The following SMARCA2 variants were observed in gnomAD, a reference collection of about 807,000 sequenced individuals.
SMARCA2 encodes the protein SWI/SNF-related matrix-associated actin-dependent regulator of chromatin subfamily A member 2.
In SMARCA2, 61 loss-of-function variants were observed where a neutral mutation model predicts 199.8. That is an observed-to-expected ratio of 0.31 (90% confidence interval 0.25 to 0.38). The LOEUF is 0.38. SMARCA2 is among the 10% of genes least tolerant of loss of function. The pLI is 1.00. For synonymous variants in SMARCA2, 935 were observed against 732.0 expected (o/e 1.28, Z -4.48); for missense variants, 1,344 against 2,012.2 (o/e 0.67, Z 6.35).
Position 2,170,328 on chromosome 9 carries a change from T to G in SMARCA2, c.4200-91T>G. ...GGCAGGTTGGTGAGGAGACTGAGGCTTGGCCAGGTCACCCAGCCTAGGAAG... is the reference window on the plus strand; with the variant it reads ...GGCAGGTTGGTGAGGAGACTGAGGCGTGGCCAGGTCACCCAGCCTAGGAAG... On this transcript the variant is annotated intron_variant, in intron 28 of 33. Transcript: ENST00000349721. This position sits in a 1 kb window ranked among gnomAD's most constrained non-coding sequence, Gnocchi z 4.7. The G allele has an allele frequency of 2.6e-6, 4 of 1,562,888 alleles. No homozygotes were observed. The highest frequency in any genetic ancestry group is 2.6e-6 in the Non-Finnish European group (3 of 1,145,358).
At position 2,060,985 on chromosome 9, in the gene SMARCA2, A is replaced by T. The variant is rs746339615; in HGVS notation, c.1691A>T (p.Lys564Met). Reference sequence around the variant, plus strand: ...AAGAAGAAGAGGAGGAGGAGGAAGAAGGTGCGTATCCTAGTGGTGGTGGCT... The same window carrying T: ...AAGAAGAAGAGGAGGAGGAGGAAGATGGTGCGTATCCTAGTGGTGGTGGCT... ...KEKKKRRRRK[K>M]KAEENAEGGE... Residue 564 changes from lysine to methionine, a missense_variant and splice_region_variant, in exon 9 of 34, where the codon AAG becomes ATG. By Grantham distance (95) the Lys-to-Met change is moderately conservative. Coordinates refer to ENST00000349721, the MANE Select transcript of SMARCA2 (RefSeq NM_003070.5). 6.2e-7 allele frequency: 1 copy of T among 1,613,334 alleles called. No individual in the cohort carries two copies. The highest frequency in any genetic ancestry group is 2.2e-5 in the East Asian group (1 of 44,866).
In SMARCA2 at chr9:2,101,632, T is replaced by G. The variant is rs754164098; in HGVS notation, c.3125+16T>G. The G allele has an allele frequency of 6.9e-7, 1 of 1,451,504 alleles. No individual in the cohort carries two copies. The highest frequency in any genetic ancestry group is 1.4e-5 in the African/African-American group (1 of 70,708). The allele number at this position is 1,451,504 out of a possible 1,614,324, so 89.9% of individuals were successfully genotyped here. ...TCATCAATGGGTAAATCTCAAATTT[T>G]TTTTTCTTTTAAAAAAAAATGTTGT... is the stretch of plus-strand genomic sequence containing the variant. On this transcript the variant is annotated intron_variant, in intron 22 of 33. Transcript: ENST00000349721.
rs544005011 is a variant in SMARCA2 at position 2,038,425 on chromosome 9, T to C, written c.356-1041T>C. 8.9e-4 allele frequency among the ~76,000 whole-genome samples: 136 copies of C among 152,314 alleles called. 1 individual carries two copies. Among genetic ancestry groups the C allele is most frequent in the Admixed American group, 4.8e-3 (73 of 15,308 alleles). Reference sequence around the variant, plus strand: ...CCCAGAACCACTGTCTTGGTTCACTTCCGTCTACTGACACCTACCTTTCCC... The same window carrying C: ...CCCAGAACCACTGTCTTGGTTCACTCCCGTCTACTGACACCTACCTTTCCC... On this transcript the variant is annotated intron_variant, in intron 3 of 33. Coordinates refer to ENST00000349721, the MANE Select transcript of SMARCA2 (RefSeq NM_003070.5).
chr9:2,160,276 G>C (rs1197067197), intron 27 of SMARCA2: 1 of 398,682 alleles, frequency 2.5e-6, no homozygotes, highest in African/African-American at 2.0e-5. Context: ...CTTCATAGTG[G>C]TTATCTGAAC....
chr9:2,153,776 G>A (rs543879427), intron 27 of SMARCA2, among the ~76,000 whole-genome samples: 7 of 152,084 alleles, frequency 4.6e-5, no homozygotes, highest in Middle Eastern at 3.2e-3. Flanking sequence ...GAACTTGCAT[G>A]GTTACTTTTA....
At chr9:2,087,542 CT>C (rs375529548) in intron 18 of SMARCA2, among the ~76,000 whole-genome samples, 11 of 148,960 alleles carry the variant, frequency 7.4e-5, no homozygotes, top group African/African-American at 2.0e-4. Flanking sequence ...TTCTGCAGAC[CT>C]TTTTTTTTTC....
At chr9:2,175,837 G>T (rs79694283) in intron 29 of SMARCA2, among the ~76,000 whole-genome samples, 1,890 of 151,978 alleles carry the variant, frequency 0.012, 37 homozygotes, top group African/African-American at 0.043. Flanking sequence ...AAGTTGTACT[G>T]CACTACAATT....
intron 27 of SMARCA2, chr9:2,160,262 C>T: frequency 5.0e-6 from 2 of 396,394 alleles, no homozygotes; most frequent in Middle Eastern, 6.5e-4. Flanking sequence ...TCAGATCTCG[C>T]CTCCTTCATA....
intron 32 of SMARCA2, among the ~76,000 whole-genome samples, chr9:2,190,965 T>G (rs1409262588): frequency 6.6e-6 from 1 of 152,212 alleles, no homozygotes; most frequent in East Asian, 1.9e-4. Flanking sequence ...TTCCCCTCAT[T>G]ATCCTTGGTC....
intron 28 of SMARCA2, among the ~76,000 whole-genome samples, chr9:2,164,339 CT>C (rs1313961435): frequency 1.6e-5 from 2 of 124,910 alleles, no homozygotes; most frequent in Admixed American, 8.3e-5. Context: ...AGTACAGACT[CT>C]TGTCTGTCTT....
intron 27 of SMARCA2, among the ~76,000 whole-genome samples, chr9:2,136,735 T>G (rs1824213100): frequency 6.6e-6 from 1 of 152,176 alleles, no homozygotes; most frequent in Non-Finnish European, 1.5e-5. Flanking sequence ...TTAGCCACCT[T>G]GAAGAGCTTG....
intron 15 of SMARCA2, 102 bp from the exon 16 acceptor site, chr9:2,083,245 C>A: frequency 1.5e-6 from 1 of 674,110 alleles, no homozygotes. Context: ...TATTCTGTAG[C>A]CCCTTTCAAG....
intron 27 of SMARCA2, chr9:2,159,065 T>A (rs1586768870): frequency 6.6e-7 from 1 of 1,512,732 alleles, no homozygotes; most frequent in African/African-American, 1.4e-5. Flanking sequence ...AAAAATTGTT[T>A]CAGTTGTTCT....
intron 32 of SMARCA2, among the ~76,000 whole-genome samples, 160 bp from the exon 33 acceptor site, chr9:2,191,106 C>T (rs1563848114): frequency 6.6e-6 from 1 of 152,122 alleles, no homozygotes; most frequent in African/African-American, 2.4e-5. Context: ...TGAAAGGGGT[C>T]GCTGACTAGA....
intron 27 of SMARCA2, among the ~76,000 whole-genome samples, chr9:2,152,073 T>G (rs1158400774): frequency 6.6e-6 from 1 of 152,182 alleles, no homozygotes; most frequent in Admixed American, 6.5e-5. Context: ...AAAGACTGGT[T>G]TCATTGTCTC....
intron 21 of SMARCA2, among the ~76,000 whole-genome samples, chr9:2,101,242 G>A (rs554559846): frequency 1.3e-4 from 20 of 152,072 alleles, no homozygotes; most frequent in East Asian, 1.9e-4. Flanking sequence ...CTTGAGTTCA[G>A]ATCCACCCTA....
At chr9:2,159,963 G>A (rs2130749154) in intron 27 of SMARCA2, 1 of 1,568,782 alleles carries the variant, frequency 6.4e-7, no homozygotes, top group Admixed American at 1.9e-5. Context: ...TACATCCCAG[G>A]CATGTGTAGG....
At chr9:2,070,975 C>A (rs1453577054) in intron 10 of SMARCA2, among the ~76,000 whole-genome samples, 6 of 152,168 alleles carry the variant, frequency 3.9e-5, no homozygotes. Context: ...AAATTCATTT[C>A]CTAGTAGTTC....
At chr9:2,028,754 T>A (rs116072130) in intron 1 of SMARCA2, among the ~76,000 whole-genome samples, 18 of 152,340 alleles carry the variant, frequency 1.2e-4, no homozygotes, top group African/African-American at 4.1e-4. Context: ...CTTAGATGAT[T>A]TATATTTTTC....
Sources: allele counts gnomAD v4.1 joint callset (sites outside exome capture counted in the v4.1 genomes callset), GRCh38; gene constraint gnomAD v4.1.1; non-coding constraint Gnocchi (gnomAD v3.1); transcripts MANE v1.5; gene names NCBI Gene and HGNC (gene_info 2026-07-23, HGNC 2026-07-21).